The following BARD1 variants were observed in gnomAD, a reference collection of about 807,000 sequenced individuals.
BARD1 encodes the protein BRCA1-associated RING domain protein 1.
In BARD1, 73 loss-of-function variants were observed where a neutral mutation model predicts 77.0. The ratio of observed to expected loss-of-function variants is 0.95; its 90% CI spans 0.79 to 1.15. The LOEUF (loss-of-function observed/expected upper bound fraction) is 1.15, where lower values mean the gene tolerates loss of function less well. Ranked by LOEUF, BARD1 falls within the 50% of genes most tolerant of loss-of-function variation. BARD1 has a pLI of 0.00. For missense variants in BARD1, 993 were observed against 938.8 expected (o/e 1.06, Z -0.75); for synonymous variants, 384 against 338.0 (o/e 1.14, Z -1.49).
intron 9 of BARD1, among the ~76,000 whole-genome samples, chr2:214,742,598 G>C (rs1307363866): frequency 6.6e-6 from 1 of 152,090 alleles, no homozygotes; most frequent in Non-Finnish European, 1.5e-5. Flanking sequence ...ATTCACTACT[G>C]TCAGAATCAC....
Position 214,726,872 on chromosome 2 carries a change from A to G in BARD1, c.*1804T>C. ...GATAAACCAAGAAAATGAATGACAAAAACTAAGAGACCTCATAGGTGTCTT... is the reference window on the plus strand; with the variant it reads ...GATAAACCAAGAAAATGAATGACAAGAACTAAGAGACCTCATAGGTGTCTT... On this transcript the variant is annotated 3_prime_UTR_variant, in exon 11 of 11. Coordinates refer to ENST00000260947, the MANE Select transcript of BARD1 (RefSeq NM_000465.4). The G allele has an allele frequency of 4.4e-6, 1 of 228,900 alleles. No homozygotes were observed. Among genetic ancestry groups the G allele is most frequent in the Non-Finnish European group, 8.7e-6 (1 of 115,284 alleles). 14.2% of individuals were successfully genotyped at this position (228,900 alleles called of 1,614,324 possible).
intron 6 of BARD1, among the ~76,000 whole-genome samples, chr2:214,759,242 A>C (rs1268864710): frequency 6.6e-6 from 1 of 152,198 alleles, no homozygotes; most frequent in Non-Finnish European, 1.5e-5. Context: ...CTTCCAAGGA[A>C]AACTGTTAAT....
intron 7 of BARD1, among the ~76,000 whole-genome samples, chr2:214,751,113 GTGTGTATATATATATATA>G (rs1286934078): frequency 5.5e-4 from 5 of 9,166 alleles, no homozygotes; most frequent in East Asian, 8.5e-3. Flanking sequence ...GTGTGTGTGT[GTGTGTATATATATATATA>G]TATATATATA....
chr2:214,792,115 C>A (rs934921139), intron 3 of BARD1, among the ~76,000 whole-genome samples, 182 bp downstream of exon 3: 1 of 147,790 alleles, frequency 6.8e-6, no homozygotes, highest in Non-Finnish European at 1.5e-5. Context: ...AGTTCAAGTC[C>A]GGCTTGGACA....
Position 214,781,452 on chromosome 2 carries a change from T to A in BARD1, c.422A>T (p.Asn141Ile). 1 of 1,613,238 alleles carries A rather than the reference T, an allele frequency of 6.2e-7. No homozygotes were observed. Among genetic ancestry groups the A allele is most frequent in the Non-Finnish European group, 8.5e-7 (1 of 1,179,814 alleles). Residue 141 changes from asparagine to isoleucine, a missense_variant, in exon 4 of 11, where the codon AAT (asparagine) becomes ATT (isoleucine). Coordinates refer to ENST00000260947, the MANE Select transcript of BARD1 (RefSeq NM_000465.4). ...AGGGCTAAACCACATTTTAATTGAA[T>A]TCTTCTTGTTTCCTGCATCATTAAA... ...SLFNDAGNKK[N>I]SIKMWFSPRS...
In BARD1 at chr2:214,728,030, A is replaced by T. The variant is rs748470175; in HGVS notation, c.*646T>A. 8.0e-5 allele frequency: 18 copies of T among 224,194 alleles called. No individual in the cohort carries two copies. The highest frequency in any genetic ancestry group is 1.2e-4 in the Non-Finnish European group (13 of 112,528). The allele number at this position is 224,194 out of a possible 1,614,324, so 13.9% of individuals were successfully genotyped here. Reference sequence around the variant, plus strand: ...AATATGTACCATGAGCCTAGTGTTGATTTTTACCACACACACAAAAAAACC... The same window carrying T: ...AATATGTACCATGAGCCTAGTGTTGTTTTTTACCACACACACAAAAAAACC... On this transcript the variant is annotated 3_prime_UTR_variant, in exon 11 of 11. Transcript: ENST00000260947.
chr2:214,778,122 G>A (rs1279822792), intron 4 of BARD1, among the ~76,000 whole-genome samples: 1 of 152,140 alleles, frequency 6.6e-6, no homozygotes, highest in East Asian at 1.9e-4. Context: ...CTTGAACCCA[G>A]GAGGCGGAGG....
chr2:214,797,832 A>G (rs73989356), intron 1 of BARD1, among the ~76,000 whole-genome samples: 8,899 of 152,292 alleles, frequency 0.058, 262 homozygotes, highest in Admixed American at 0.093. Context: ...GTCTGCAGAT[A>G]GAATGAAGTT....
At chr2:214,729,919 G>A (rs1317238437) in intron 10 of BARD1, among the ~76,000 whole-genome samples, 3 of 152,130 alleles carry the variant, frequency 2.0e-5, no homozygotes, top group Admixed American at 6.5e-5. Context: ...AGATTTTTGT[G>A]CTGAGGCTAG....
chr2:214,755,498 A>T (rs1693652867), intron 6 of BARD1, among the ~76,000 whole-genome samples: 1 of 152,212 alleles, frequency 6.6e-6, no homozygotes, highest in Admixed American at 6.5e-5. Flanking sequence ...ACTGAGGATA[A>T]ACGTTCATTC....
Position 214,767,623 on chromosome 2 carries a change from A to G in BARD1, c.1427T>C (p.Val476Ala), listed in dbSNP as rs2106077102. ...CTTATGCTGGAGCAATAATTCCACT[A>G]CCTTCAGGTGCCCATGATTGCAAGC... ...HEACNHGHLK[V>A]VELLLQHKAL... The change falls in exon 6 of 11, where the codon GTA becomes GCA. Residue 476 changes from valine to alanine, a missense_variant. Physicochemically the swap from Val to Ala is moderately conservative, Grantham distance 64 (BLOSUM62 0). Coordinates refer to ENST00000260947, the MANE Select transcript of BARD1 (RefSeq NM_000465.4). The G allele has an allele frequency of 6.2e-7, 1 of 1,614,024 alleles. No homozygotes were observed. The highest frequency in any genetic ancestry group is 8.5e-7 in the Non-Finnish European group (1 of 1,179,946).
At chr2:214,768,703 T>C (rs2106079760) in intron 5 of BARD1, among the ~76,000 whole-genome samples, 1 of 152,370 alleles carries the variant, frequency 6.6e-6, no homozygotes, top group South Asian at 2.1e-4. Context: ...TGTCATTCTG[T>C]TTCCAGATTA....
intron 9 of BARD1, among the ~76,000 whole-genome samples, chr2:214,738,748 T>C (rs886166154): frequency 6.6e-6 from 1 of 152,176 alleles, no homozygotes; most frequent in African/African-American, 2.4e-5. Flanking sequence ...TGGAGATCTG[T>C]TAAATGTCCA....
chr2:214,769,132 G>C (rs1694351822), intron 5 of BARD1, 100 bp downstream of exon 5: 1 of 948,976 alleles, frequency 1.1e-6, no homozygotes, highest in Non-Finnish European at 1.7e-6. Flanking sequence ...AGACTAAAAA[G>C]AGTATATGTG....
chr2:214,785,995 C>T (rs1202566364), intron 3 of BARD1, among the ~76,000 whole-genome samples: 1 of 151,920 alleles, frequency 6.6e-6, no homozygotes. Flanking sequence ...CCTTAAGTCA[C>T]TCTTCATTCA....
chr2:214,766,814 T>G (rs1458554825), intron 6 of BARD1, among the ~76,000 whole-genome samples: 1 of 152,230 alleles, frequency 6.6e-6, no homozygotes, highest in African/African-American at 2.4e-5. Context: ...TGTTATTTTT[T>G]TTCCCCTTTT....
chr2:214,755,469 T>C (rs1241788442), intron 6 of BARD1, among the ~76,000 whole-genome samples: 2 of 151,124 alleles, frequency 1.3e-5, no homozygotes, highest in Non-Finnish European at 2.9e-5. Context: ...AGAAAAACAC[T>C]GTCCTTGCCT....
intron 3 of BARD1, 133 bp downstream of exon 3, chr2:214,792,164 A>AAAAACCT: frequency 1.0e-6 from 1 of 978,454 alleles, no homozygotes; most frequent in East Asian, 2.8e-5. Flanking sequence ...AAAAAAAAAA[A>AAAAACCT]AAAACCTACA....
At position 214,781,167 on chromosome 2, in the gene BARD1, T is replaced by C. The variant is rs1488654033; in HGVS notation, c.707A>G (p.Lys236Arg). The change falls in exon 4 of 11, where the codon AAG becomes AGG. Residue 236 changes from lysine (K) to arginine (R), a missense_variant. By Grantham distance (26) the Lys-to-Arg change is conservative (BLOSUM62 2). Transcript: ENST00000260947. Reference sequence around the variant, plus strand: ...GCTACAGAAGGATACCAGCTTTTGCTTAGATTCCTCTTTGGAGTCAAATTC... The same window carrying C: ...GCTACAGAAGGATACCAGCTTTTGCCTAGATTCCTCTTTGGAGTCAAATTC... ...DGEFDSKEES[K>R]QKLVSFCSQP... 1 of 1,580,476 alleles carries C rather than the reference T, an allele frequency of 6.3e-7. No individual in the cohort carries two copies. The highest frequency in any genetic ancestry group is 1.9e-5 in the Admixed American group (1 of 51,612).
Sources: gnomAD v4.1 joint callset for allele counts (sites outside exome capture counted in the v4.1 genomes callset) on GRCh38, gnomAD v4.1.1 for gene constraint, MANE v1.5 for transcripts, NCBI Gene and HGNC (gene_info 2026-07-23, HGNC 2026-07-21) for gene names.